The following TNFSF10 variants were observed in gnomAD, a reference collection of about 807,000 sequenced individuals.
TNFSF10 encodes TNF superfamily member 10, also known as tumor necrosis factor ligand superfamily member 10.
In TNFSF10, 13 loss-of-function variants were observed where a neutral mutation model predicts 29.5. The observed-to-expected ratio is 0.44, with a 90% CI of 0.29 to 0.70. The LOEUF is 0.70. TNFSF10 is among the 30% of genes least tolerant of loss of function. TNFSF10 has a pLI of 0.13. For synonymous variants in TNFSF10, 111 were observed against 112.8 expected (o/e 0.98, Z 0.10); for missense variants, 345 against 330.9 (o/e 1.04, Z -0.33).
intron 3 of TNFSF10, among the ~76,000 whole-genome samples, chr3:172,509,874 G>A (rs1037888336): frequency 1.3e-5 from 2 of 151,720 alleles, no homozygotes; most frequent in Non-Finnish European, 2.9e-5. Context: ...AACTACTCAG[G>A]AGGCTGAGGC....
At position 172,506,788 on chromosome 3, in the gene TNFSF10, T is replaced by G. The variant is rs1375725325; in HGVS notation, c.550A>C (p.Ile184Leu). ...LVIHEKGFYY[I>L]YSQTYFRFQE... is the part of the protein sequence containing the mutation. ...AATCGAAAGTATGTTTGGGAATAGA[T>G]GTAGTAAAACCCTTTTTCATGGATG... is the stretch of plus-strand genomic sequence containing the variant. The change falls in exon 5 of 5, where the codon ATC becomes CTC. Residue 184 changes from isoleucine (I) to leucine (L), a missense_variant. Ile to Leu is a conservative substitution (Grantham distance 5). Coordinates refer to ENST00000241261, the MANE Select transcript of TNFSF10 (RefSeq NM_003810.4). 4.3e-6 allele frequency: 7 copies of G among 1,614,118 alleles called. No homozygotes were observed. Among genetic ancestry groups the G allele is most frequent in the African/African-American group, 1.3e-5 (1 of 74,940 alleles).
At chr3:172,515,152 C>T (rs1038640026) in intron 1 of TNFSF10, among the ~76,000 whole-genome samples, 154 bp from the exon 2 acceptor site, 9 of 150,898 alleles carry the variant, frequency 6.0e-5, no homozygotes, top group South Asian at 2.1e-4. Flanking sequence ...GCATGCTCTC[C>T]TTTGTCCTTA....
rs1713007882 is a variant in TNFSF10, at chr3:172,506,859, C to G, written c.479G>C (p.Gly160Ala). ...GTGCAAGTTGCTCAGGAATGAATGC[C>G]CACTCCTTGATGATTCCCAGGAGTT... Reference protein sequence around the residue: ...KINSWESSRSGHSFLSNLHLR... With the variant: ...KINSWESSRSAHSFLSNLHLR... The change falls in exon 5 of 5, where the codon GGG becomes GCG. Residue 160 changes from glycine (G) to alanine (A), a missense_variant. By Grantham distance (60) the Gly-to-Ala change is moderately conservative (BLOSUM62 0). Coordinates refer to ENST00000241261, the MANE Select transcript of TNFSF10 (RefSeq NM_003810.4). 6.2e-7 allele frequency: 1 copy of G among 1,614,006 alleles called. No individual in the cohort carries two copies. Among genetic ancestry groups the G allele is most frequent in the African/African-American group, 1.3e-5 (1 of 74,910 alleles).
intron 2 of TNFSF10, among the ~76,000 whole-genome samples, chr3:172,513,861 TAG>T (rs1713328028): frequency 1.3e-5 from 2 of 151,268 alleles, no homozygotes; most frequent in African/African-American, 4.9e-5. Context: ...GTTTTTGAGA[TAG>T]AGTCTTGCTC....
chr3:172,519,089 A>C (rs931656512), intron 1 of TNFSF10, among the ~76,000 whole-genome samples: 63 of 152,218 alleles, frequency 4.1e-4, no homozygotes, highest in African/African-American at 1.5e-3. Context: ...TGGGGTAATT[A>C]TACTTACATA....
At chr3:172,508,111 G>T (rs530051217) in intron 4 of TNFSF10, among the ~76,000 whole-genome samples, 1 of 152,014 alleles carries the variant, frequency 6.6e-6, no homozygotes, top group Non-Finnish European at 1.5e-5. Context: ...GGGAGGCCGG[G>T]GGGGTGTGGA....
At chr3:172,508,289 C>T (rs567799434) in intron 4 of TNFSF10, among the ~76,000 whole-genome samples, 59 of 125,520 alleles carry the variant, frequency 4.7e-4, no homozygotes, top group Admixed American at 7.9e-4. Flanking sequence ...AAGTGAAACT[C>T]CGTCTCAAAA....
Position 172,523,266 on chromosome 3 carries a change from T to C in TNFSF10, c.119A>G (p.Asn40Ser), listed in dbSNP as rs79670009. The C allele has an allele frequency of 6.2e-7, 1 of 1,613,700 alleles. No homozygotes were observed. The highest frequency in any genetic ancestry group is 1.3e-5 in the African/African-American group (1 of 75,030). ...CACTGCACTGACCTGCTTCAGCTCG[T>C]TGGTAAAGTACACGTAAGTTACAGC... ...CVAVTYVYFTNELKQMQDKYS... is the reference protein window; with the variant it reads ...CVAVTYVYFTSELKQMQDKYS... The change falls in exon 1 of 5, where the codon AAC (asparagine) becomes AGC (serine). Residue 40 changes from asparagine to serine, a missense_variant. Asn to Ser is a conservative substitution (Grantham distance 46). Coordinates refer to ENST00000241261, the MANE Select transcript of TNFSF10 (RefSeq NM_003810.4).
chr3:172,506,479 C>A lies in TNFSF10; in HGVS notation c.*13G>T. 6.3e-7 allele frequency: 1 copy of A among 1,580,034 alleles called. No homozygotes were observed. Among genetic ancestry groups the A allele is most frequent in the Non-Finnish European group, 8.6e-7 (1 of 1,167,710 alleles). On this transcript the variant is annotated 3_prime_UTR_variant, in exon 5 of 5. Transcript: ENST00000241261. ...AGTCACTTTGAGGTTATTGCTTTTT[C>A]TTTCCAGGTCAGTTAGCCAACTAAA...
chr3:172,511,544 G>T (rs970078480), intron 3 of TNFSF10, 73 bp downstream of exon 3: 2 of 1,254,388 alleles, frequency 1.6e-6, no homozygotes, highest in African/African-American at 1.5e-5. Flanking sequence ...CAGAGAAGGA[G>T]AATGGAGAAC....
At chr3:172,516,058 C>G (rs574378371) in intron 1 of TNFSF10, among the ~76,000 whole-genome samples, 1 of 152,082 alleles carries the variant, frequency 6.6e-6, no homozygotes, top group African/African-American at 2.4e-5. Flanking sequence ...GTCAGGAGAT[C>G]GAGACCATCC....
chr3:172,517,570 C>T (rs1027413473), intron 1 of TNFSF10: 1 of 985,096 alleles, frequency 1.0e-6, no homozygotes, highest in Admixed American at 6.2e-5. Context: ...AACAAAACAA[C>T]CACTAATAGC....
chr3:172,521,320 C>T (rs941051807), intron 1 of TNFSF10, among the ~76,000 whole-genome samples: 2 of 152,042 alleles, frequency 1.3e-5, no homozygotes, highest in Non-Finnish European at 2.9e-5. Context: ...GTCTAATATG[C>T]AGAATCTACA....
intron 1 of TNFSF10, among the ~76,000 whole-genome samples, chr3:172,515,582 A>G (rs1477823905): frequency 6.6e-6 from 1 of 152,210 alleles, no homozygotes; most frequent in East Asian, 1.9e-4. Flanking sequence ...TGTTGCCACT[A>G]GAAATCTGAA....
At chr3:172,516,208 G>A (rs977165099) in intron 1 of TNFSF10, among the ~76,000 whole-genome samples, 1 of 150,268 alleles carries the variant, frequency 6.7e-6, no homozygotes, top group Non-Finnish European at 1.5e-5. Context: ...AGCTTGCAGT[G>A]AGCTGAGATC....
At chr3:172,523,207 C>T in intron 1 of TNFSF10, 46 bp downstream of exon 1, 3 of 1,536,304 alleles carry the variant, frequency 2.0e-6, no homozygotes, top group South Asian at 1.2e-5. Flanking sequence ...GGTAACCAGA[C>T]ATTTGCTAAG....
chr3:172,507,888 C>A (rs1359321107), intron 4 of TNFSF10, among the ~76,000 whole-genome samples: 1 of 152,148 alleles, frequency 6.6e-6, no homozygotes, highest in South Asian at 2.1e-4. Flanking sequence ...TTCTTGAGGA[C>A]ATACAATAGA....
At position 172,506,400 on chromosome 3, in the gene TNFSF10, T is replaced by C; in HGVS notation, c.*92A>G. 1 of 1,444,278 alleles carries C rather than the reference T, an allele frequency of 6.9e-7. No homozygotes were observed. Among genetic ancestry groups the C allele is most frequent in the South Asian group, 1.4e-5 (1 of 69,228 alleles). The allele number at this position is 1,444,278 out of a possible 1,614,324, so 89.5% of individuals were successfully genotyped here. On this transcript the variant is annotated 3_prime_UTR_variant, in exon 5 of 5. Coordinates refer to ENST00000241261, the MANE Select transcript of TNFSF10 (RefSeq NM_003810.4). ...TTGTTTTCTGTTTTCTGTTTGTTTGTTTTGGTCAGATTTTTTGAAACATCT... is the reference window on the plus strand; with the variant it reads ...TTGTTTTCTGTTTTCTGTTTGTTTGCTTTGGTCAGATTTTTTGAAACATCT...
intron 1 of TNFSF10, chr3:172,517,618 A>C (rs1183183337): frequency 5.1e-6 from 5 of 985,428 alleles, no homozygotes; most frequent in Non-Finnish European, 6.0e-6. Context: ...TTTGGATGAT[A>C]TCTCTTGTTT....
Sources: gnomAD v4.1 joint callset for allele counts (sites outside exome capture counted in the v4.1 genomes callset) on GRCh38, gnomAD v4.1.1 for gene constraint, MANE v1.5 for transcripts, NCBI Gene and HGNC (gene_info 2026-07-23, HGNC 2026-07-21) for gene names.